The following SLC5A4 variants were observed in gnomAD, a reference collection of about 807,000 sequenced individuals.
The protein encoded by SLC5A4 is solute carrier family 5 member 4.
In SLC5A4, 55 loss-of-function variants were observed where a neutral mutation model predicts 70.3. The ratio of observed to expected loss-of-function variants is 0.78; its 90% CI spans 0.63 to 0.98. SLC5A4 has a LOEUF of 0.98. Among genes scored for constraint, SLC5A4 ranks in the 50% least tolerant of loss-of-function variants. The pLI, the probability that SLC5A4 is intolerant of heterozygous loss-of-function variation, is 0.00. For missense variants in SLC5A4, 735 were observed against 839.2 expected, an observed-to-expected ratio of 0.88 and a Z score of 1.53; for synonymous variants, 268 against 305.7, an observed-to-expected ratio of 0.88 and a Z score of 1.29.
chr22:32,305,459 C>G, the SLC5A4 span, among the ~76,000 whole-genome samples: 1 of 148,958 alleles, frequency 6.7e-6, no homozygotes, highest in African/African-American at 2.5e-5. Context: ...GATGACGAGA[C>G]CTCTCTGGAG....
the SLC5A4 span, among the ~76,000 whole-genome samples, chr22:32,333,298 G>A: frequency 6.6e-6 from 1 of 152,016 alleles, no homozygotes; most frequent in African/African-American, 2.4e-5. Context: ...GCAGGCAGAG[G>A]GGTCTTTTAG....
chr22:32,315,834 A>AG, the SLC5A4 span, among the ~76,000 whole-genome samples: 1 of 149,440 alleles, frequency 6.7e-6, no homozygotes, highest in Non-Finnish European at 1.5e-5. Context: ...ATCACAAACA[A>AG]GGGCACTGAA....
At chr22:32,248,902 G>T in intron 3 of SLC5A4, 100 bp from the exon 4 acceptor site, 1 of 809,546 alleles carries the variant, frequency 1.2e-6, no homozygotes, top group Non-Finnish European at 2.1e-6. Flanking sequence ...AAAAAAAAAA[G>T]TTGGCTCAAT....
At chr22:32,335,225 G>C in the SLC5A4 span, among the ~76,000 whole-genome samples, 8 of 152,184 alleles carry the variant, frequency 5.3e-5, no homozygotes, top group African/African-American at 1.9e-4. Flanking sequence ...ACCAGTGACA[G>C]CCGCTTCCGC....
At chr22:32,288,552 C>CT in the SLC5A4 span, among the ~76,000 whole-genome samples, 751 of 151,854 alleles carry the variant, frequency 4.9e-3, 7 homozygotes, top group African/African-American at 0.016. Context: ...TTGTTTTTTT[C>CT]TTTTTTTTGT....
intron 4 of SLC5A4, 58 bp downstream of exon 4, chr22:32,248,685 G>A: frequency 1.7e-6 from 2 of 1,142,922 alleles, no homozygotes; most frequent in Non-Finnish European, 2.7e-6. Context: ...TTGATCTTCT[G>A]TGCAGTGAGC....
the SLC5A4 span, among the ~76,000 whole-genome samples, chr22:32,266,091 T>C: frequency 3.3e-5 from 5 of 152,228 alleles, no homozygotes; most frequent in Non-Finnish European, 7.3e-5. Flanking sequence ...CATTTAGCCA[T>C]GTCATTCAGG....
chr22:32,302,510 A>ACC, the SLC5A4 span, among the ~76,000 whole-genome samples: 1 of 152,180 alleles, frequency 6.6e-6, no homozygotes, highest in Non-Finnish European at 1.5e-5. Flanking sequence ...TTAGGTACTT[A>ACC]CCTCAAGGGT....
chr22:32,337,209 T>C, the SLC5A4 span, among the ~76,000 whole-genome samples: 1 of 152,214 alleles, frequency 6.6e-6, no homozygotes, highest in Non-Finnish European at 1.5e-5. Flanking sequence ...CCTGGGTGCC[T>C]GTCTGTGGGT....
the SLC5A4 span, among the ~76,000 whole-genome samples, chr22:32,312,363 GCGCACACA>G: frequency 3.8e-4 from 32 of 84,626 alleles, no homozygotes; most frequent in African/African-American, 1.2e-3. Context: ...ACACGCGCGC[GCGCACACA>G]CACACACACA....
At chr22:32,333,846 TACAC>T in the SLC5A4 span, among the ~76,000 whole-genome samples, 44 of 142,680 alleles carry the variant, frequency 3.1e-4, no homozygotes, top group Non-Finnish European at 5.8e-4. Flanking sequence ...CCTCACAATA[TACAC>T]ACACACACCA....
intron 5 of SLC5A4, among the ~76,000 whole-genome samples, chr22:32,242,959 T>A (rs556839952): frequency 2.0e-5 from 3 of 152,154 alleles, no homozygotes; most frequent in Non-Finnish European, 4.4e-5. Flanking sequence ...AGTGGAAAAA[T>A]TTGAAGAGGA....
chr22:32,330,008 G>A, the SLC5A4 span, among the ~76,000 whole-genome samples: 1 of 15,296 alleles, frequency 6.5e-5, no homozygotes, highest in East Asian at 2.7e-3. Context: ...TGTGTGTTGG[G>A]GGCTCTGGTG....
intron 2 of SLC5A4, among the ~76,000 whole-genome samples, chr22:32,253,768 A>C (rs1196887610): frequency 1.3e-5 from 2 of 151,514 alleles, no homozygotes; most frequent in African/African-American, 4.9e-5. Flanking sequence ...CAACATTCCC[A>C]ATGTTGTCTA....
the SLC5A4 span, among the ~76,000 whole-genome samples, chr22:32,261,304 C>T: frequency 2.0e-5 from 3 of 152,230 alleles, no homozygotes; most frequent in Non-Finnish European, 4.4e-5. Context: ...CTGCCCACTC[C>T]TTACCCTTTG....
At chr22:32,328,099 CACACACACACCAGAGCCCCCAAA>C in the SLC5A4 span, among the ~76,000 whole-genome samples, 255 of 151,596 alleles carry the variant, frequency 1.7e-3, 1 homozygote, top group African/African-American at 5.9e-3. Context: ...AACACACAAA[CACACACACACCAGAGCCCCCAAA>C]ACACACACAC....
chr22:32,299,669 T>C, the SLC5A4 span, among the ~76,000 whole-genome samples: 1 of 99,350 alleles, frequency 1.0e-5, no homozygotes, highest in Non-Finnish European at 2.2e-5. Flanking sequence ...AAAGTCATTC[T>C]CTATCCAGCT....
At chr22:32,301,087 C>T in the SLC5A4 span, among the ~76,000 whole-genome samples, 1 of 152,150 alleles carries the variant, frequency 6.6e-6, no homozygotes, top group Non-Finnish European at 1.5e-5. Flanking sequence ...CTCAGCCTCC[C>T]AAGTAGCTGG....
intron 3 of SLC5A4, among the ~76,000 whole-genome samples, chr22:32,250,694 T>G (rs1927087629): frequency 1.3e-5 from 2 of 152,084 alleles, no homozygotes; most frequent in Non-Finnish European, 2.9e-5. Flanking sequence ...AGCAAATACT[T>G]GGAATCAACC....
Sources: gnomAD v4.1 joint callset for allele counts (sites outside exome capture counted in the v4.1 genomes callset) on GRCh38, gnomAD v4.1.1 for gene constraint, MANE v1.5 for transcripts, NCBI Gene and HGNC (gene_info 2026-07-23, HGNC 2026-07-21) for gene names.